Variants in RAB8A observed in about 807,000 individuals in gnomAD.
RAB8A encodes the protein ras-related protein Rab-8A.
A neutral mutation model predicts 29.2 loss-of-function variants in RAB8A; 5 were observed. The ratio of observed to expected loss-of-function variants is 0.17; its 90% CI spans 0.09 to 0.36. The LOEUF is 0.36. Among genes scored for constraint, RAB8A ranks in the 10% least tolerant of loss-of-function variants. RAB8A has a pLI of 1.00. For synonymous variants in RAB8A, 108 were observed against 99.9 expected (o/e 1.08, Z -0.49); for missense variants, 171 against 272.2 (o/e 0.63, Z 2.62).
chr19:16,119,507 A>G (rs2090863704), intron 2 of RAB8A, among the ~76,000 whole-genome samples: 1 of 151,800 alleles, frequency 6.6e-6, no homozygotes, highest in South Asian at 2.1e-4. Context: ...GCCCGGCCCT[A>G]CTGTTCACCT....
At chr19:16,123,865 C>T (rs2090885516) in intron 3 of RAB8A, 2 of 152,042 alleles carry the variant, frequency 1.3e-5, no homozygotes, top group Admixed American at 1.3e-4. Flanking sequence ...GGAAAATAGT[C>T]ACTTGGAGCC....
chr19:16,128,005 G>T (rs746096342), intron 5 of RAB8A, 21 bp from the exon 6 acceptor site: 1 of 1,613,694 alleles, frequency 6.2e-7, no homozygotes, highest in East Asian at 2.2e-5. Flanking sequence ...GTGCTCATGC[G>T]TGTGCCTCCC....
chr19:16,115,836 C>T (rs1000902697), intron 1 of RAB8A, among the ~76,000 whole-genome samples: 7 of 152,170 alleles, frequency 4.6e-5, no homozygotes, highest in South Asian at 2.1e-4. Context: ...TTTGAGAGGG[C>T]GAAAGTCCAG....
intron 2 of RAB8A, among the ~76,000 whole-genome samples, chr19:16,120,669 G>A (rs1047608838): frequency 2.7e-5 from 4 of 149,866 alleles, no homozygotes; most frequent in South Asian, 2.1e-4. Flanking sequence ...GGAATATAGC[G>A]GCACGATCTC....
chr19:16,131,357 AATGG>A (rs2090923529), intron 7 of RAB8A, among the ~76,000 whole-genome samples: 1 of 152,260 alleles, frequency 6.6e-6, no homozygotes, highest in African/African-American at 2.4e-5. Flanking sequence ...GGTAGAAGAT[AATGG>A]ATGGATGGTT....
chr19:16,125,754 C>G lies in RAB8A; in HGVS notation c.324+207C>G. ...CTGGCCTGGCCCCACCCCGGAGCCCCTCGGAGCCCATCCCTCCAGCTAGGC... is the reference window on the plus strand; with the variant it reads ...CTGGCCTGGCCCCACCCCGGAGCCCGTCGGAGCCCATCCCTCCAGCTAGGC... On this transcript the variant is annotated intron_variant, in intron 4 of 7. Coordinates refer to ENST00000300935, the MANE Select transcript of RAB8A (RefSeq NM_005370.5). The surrounding 1 kb of genome is among the most constrained non-coding windows in gnomAD (Gnocchi z 5.0). 1 of 680,134 alleles carries G rather than the reference C, an allele frequency of 1.5e-6. No individual in the cohort carries two copies. 42.1% of individuals were successfully genotyped at this position (680,134 alleles called of 1,614,324 possible).
In RAB8A at chr19:16,133,014, A is replaced by G. The variant is rs2090935212; in HGVS notation, c.*710A>G. The G allele has an allele frequency of 6.6e-6, 1 of 152,588 alleles. No homozygotes were observed. Among genetic ancestry groups the G allele is most frequent in the African/African-American group, 2.4e-5 (1 of 41,418 alleles). The allele number at this position is 152,588 out of a possible 1,614,324, so 9.5% of individuals were successfully genotyped here. The stretch of plus-strand genomic sequence containing the variant: ...GGCCCGTCTGCGGTCCCCATCGAGC[A>G]TCAAGGGGACGCTGTGTGTGCTGCA... On this transcript the variant is annotated 3_prime_UTR_variant, in exon 8 of 8. Transcript: ENST00000300935.
At chr19:16,128,828 G>A (rs2090913018) in intron 6 of RAB8A, among the ~76,000 whole-genome samples, 1 of 152,156 alleles carries the variant, frequency 6.6e-6, no homozygotes, top group Non-Finnish European at 1.5e-5. Context: ...GCCTGGCCCT[G>A]GGGGCCTCTC....
intron 3 of RAB8A, chr19:16,123,573 C>T (rs1396710039): frequency 6.6e-6 from 1 of 152,236 alleles, no homozygotes; most frequent in East Asian, 1.9e-4. Flanking sequence ...CACCACTGCA[C>T]TCCAGTCTGG....
intron 6 of RAB8A, 32 bp downstream of exon 6, chr19:16,128,123 G>A (rs370517375): frequency 3.2e-5 from 52 of 1,608,392 alleles, no homozygotes; most frequent in Non-Finnish European, 4.4e-5. Flanking sequence ...GAGACATGGG[G>A]CCTGCAGGAT....
chr19:16,115,689 GAC>G (rs1234353125), intron 1 of RAB8A, among the ~76,000 whole-genome samples: 1 of 152,236 alleles, frequency 6.6e-6, no homozygotes, highest in East Asian at 1.9e-4. Flanking sequence ...CTGCAGAAAG[GAC>G]ACAGGTGAGT....
intron 3 of RAB8A, chr19:16,123,773 G>C (rs561093201): frequency 1.8e-4 from 27 of 152,216 alleles, no homozygotes; most frequent in Non-Finnish European, 2.8e-4. Context: ...CATGCTCATA[G>C]ACCCTTGGGC....
At chr19:16,130,238 C>G (rs2090919457) in intron 7 of RAB8A, among the ~76,000 whole-genome samples, 1 of 152,032 alleles carries the variant, frequency 6.6e-6, no homozygotes, top group South Asian at 2.1e-4. Context: ...AAACACTTCC[C>G]TGTACTTTGG....
intron 1 of RAB8A, among the ~76,000 whole-genome samples, chr19:16,115,103 C>A (rs2090840710): frequency 6.6e-6 from 1 of 152,102 alleles, no homozygotes; most frequent in African/African-American, 2.4e-5. Flanking sequence ...AGTCCTGAAG[C>A]AGTATCACCT....
At chr19:16,115,902 G>T (rs2090844056) in intron 1 of RAB8A, among the ~76,000 whole-genome samples, 1 of 152,178 alleles carries the variant, frequency 6.6e-6, no homozygotes, top group Admixed American at 6.5e-5. Context: ...GAGAGGCCCA[G>T]CCAGGCCTGG....
In RAB8A at chr19:16,125,152, C is replaced by T. The variant is rs994040824; in HGVS notation, c.247-318C>T. The T allele has an allele frequency of 6.5e-6, 3 of 459,826 alleles. No individual in the cohort carries two copies. Among genetic ancestry groups the T allele is most frequent in the Non-Finnish European group, 1.2e-5 (3 of 247,674 alleles). The allele number at this position is 459,826 out of a possible 1,614,324, so 28.5% of individuals were successfully genotyped here. A position where few individuals can be genotyped will look rare whatever the true frequency, so the allele number is the denominator to read the frequency against. ...CGGCTCCCACCGTCAGGCTGCACCA[C>T]CCCGTGGGCCATGAGGGGAGCCAGC... On this transcript the variant is annotated intron_variant, in intron 3 of 7. Coordinates refer to ENST00000300935, the MANE Select transcript of RAB8A (RefSeq NM_005370.5). This position sits in a 1 kb window ranked among gnomAD's most constrained non-coding sequence, Gnocchi z 5.0.
In RAB8A at chr19:16,127,607, C is replaced by A; in HGVS notation, c.414+81C>A. The A allele has an allele frequency of 8.8e-7, 1 of 1,142,460 alleles. No individual in the cohort carries two copies. Among genetic ancestry groups the A allele is most frequent in the Non-Finnish European group, 1.2e-6 (1 of 828,096 alleles). 70.8% of individuals were successfully genotyped at this position (1,142,460 alleles called of 1,614,324 possible). On this transcript the variant is annotated intron_variant, in intron 5 of 7. Coordinates refer to ENST00000300935, the MANE Select transcript of RAB8A (RefSeq NM_005370.5). The surrounding 1 kb of genome is among the most constrained non-coding windows in gnomAD (Gnocchi z 4.8). ...GAGGCCTTCCCCTGTCCCTCCTCTG[C>A]CCCAGGGGCCTGAGACGAGTTGGTC... is the stretch of plus-strand genomic sequence containing the variant.
chr19:16,115,512 C>T (rs2090842433), intron 1 of RAB8A, among the ~76,000 whole-genome samples: 1 of 152,236 alleles, frequency 6.6e-6, no homozygotes, highest in Non-Finnish European at 1.5e-5. Flanking sequence ...CTCGGCGCCA[C>T]TGCCTCCTCA....
intron 1 of RAB8A, among the ~76,000 whole-genome samples, chr19:16,113,767 G>A (rs1340551851): frequency 1.3e-5 from 2 of 152,152 alleles, no homozygotes; most frequent in South Asian, 2.1e-4. Context: ...AAATCATTAC[G>A]TCTGGTTTCC....
Sources: gnomAD v4.1 joint callset for allele counts (sites outside exome capture counted in the v4.1 genomes callset) on GRCh38, gnomAD v4.1.1 for gene constraint, Gnocchi (gnomAD v3.1) non-coding constraint, MANE v1.5 for transcripts, NCBI Gene and HGNC (gene_info 2026-07-23, HGNC 2026-07-21) for gene names.